ATP6V0A4: variants seen among roughly 807,000 people sequenced by gnomAD.
ATP6V0A4 encodes the protein ATPase H+ transporting V0 subunit a4.
In ATP6V0A4, 86 loss-of-function variants were observed where a neutral mutation model predicts 107.3. The ratio of observed to expected loss-of-function variants is 0.80; its 90% confidence interval spans 0.67 to 0.96. The LOEUF (loss-of-function observed/expected upper bound fraction) is 0.96, where lower values mean the gene tolerates loss of function less well. Ranked by LOEUF, ATP6V0A4 falls within the 40% of genes least tolerant of loss-of-function variation. The pLI, the probability that ATP6V0A4 is intolerant of heterozygous loss-of-function variation, is 0.00. For synonymous variants in ATP6V0A4, 353 were observed against 381.4 expected, an observed-to-expected ratio of 0.93 and a Z score of 0.87; for missense variants, 908 against 1,045.6, an observed-to-expected ratio of 0.87 and a Z score of 1.81.
chr7:138,749,448 G>A, intron 11 of ATP6V0A4, 131 bp from the exon 12 acceptor site: 1 of 952,462 alleles, frequency 1.0e-6, no homozygotes, highest in South Asian at 1.6e-5. Context: ...TGATCTCTCT[G>A]AGACTCACGA....
intron 19 of ATP6V0A4, among the ~76,000 whole-genome samples, chr7:138,717,956 A>G: frequency 8.3e-6 from 1 of 121,020 alleles, no homozygotes; most frequent in Non-Finnish European, 1.7e-5. Flanking sequence ...ACAAAACAAG[A>G]AACTGATGAG....
rs1019667618 is a variant in ATP6V0A4, at chr7:138,752,968, A to C, written c.817-131T>G. The C allele has an allele frequency of 3.3e-6, 5 of 1,519,656 alleles. No homozygotes were observed. The Admixed American group carries it at 9.9e-5, about 30-fold the overall frequency. 94.1% of individuals were successfully genotyped at this position (1,519,656 alleles called of 1,614,324 possible). ...CAGGCTCCTTTGACCTGTGGCTGTC[A>C]CCTGGCCTTGAACTCTCCTGAGCAG... On this transcript the variant is annotated intron_variant, in intron 10 of 21. Coordinates refer to ENST00000310018, the MANE Select transcript of ATP6V0A4 (RefSeq NM_020632.3).
At chr7:138,707,337 A>AT (rs1491481182) in intron 21 of ATP6V0A4, among the ~76,000 whole-genome samples, 45 of 86,766 alleles carry the variant, frequency 5.2e-4, no homozygotes, top group Admixed American at 2.2e-3. Flanking sequence ...TATATTTATA[A>AT]TATATATATT....
intron 19 of ATP6V0A4, among the ~76,000 whole-genome samples, chr7:138,720,670 C>G (rs1804382577): frequency 1.3e-4 from 1 of 7,520 alleles, no homozygotes; most frequent in Non-Finnish European, 2.3e-4. Context: ...CAGTCTTGCT[C>G]TGTCGCCCAG....
chr7:138,721,806 C>CCCT (rs1804435265), intron 19 of ATP6V0A4, 91 bp downstream of exon 19: 1 of 1,472,142 alleles, frequency 6.8e-7, no homozygotes, highest in African/African-American at 1.4e-5. Context: ...CCCCGTGGGG[C>CCCT]CCTCCAGACC....
intron 1 of ATP6V0A4, among the ~76,000 whole-genome samples, chr7:138,793,841 C>T (rs1470792596): frequency 6.6e-6 from 1 of 152,138 alleles, no homozygotes. Context: ...TTAACCTCCG[C>T]GTGTCTGGAC....
intron 5 of ATP6V0A4, among the ~76,000 whole-genome samples, chr7:138,763,431 C>G (rs142041274): frequency 0.011 from 1,597 of 152,092 alleles, 15 homozygotes; most frequent in Middle Eastern, 0.017. Flanking sequence ...CGTTCAAGAC[C>G]AGCCTGGTTA....
chr7:138,739,190 A>G (rs10250575), intron 15 of ATP6V0A4, among the ~76,000 whole-genome samples: 83,137 of 152,054 alleles, frequency 0.55, 23,563 homozygotes, highest in East Asian at 0.92. Context: ...AGAAAATACA[A>G]AGCAGGGAAC....
chr7:138,717,311 A>G (rs1804094319), intron 19 of ATP6V0A4, among the ~76,000 whole-genome samples: 1 of 151,972 alleles, frequency 6.6e-6, no homozygotes, highest in Non-Finnish European at 1.5e-5. Context: ...ACCTCGGGAG[A>G]CCAAGGCAGG....
At chr7:138,789,717 T>C (rs1808319080) in intron 1 of ATP6V0A4, among the ~76,000 whole-genome samples, 1 of 151,406 alleles carries the variant, frequency 6.6e-6, no homozygotes, top group Non-Finnish European at 1.5e-5. Flanking sequence ...ACGCCTGTAA[T>C]CCCAGCACTT....
intron 2 of ATP6V0A4, among the ~76,000 whole-genome samples, chr7:138,774,376 T>G (rs1807543210): frequency 6.6e-6 from 1 of 151,864 alleles, no homozygotes; most frequent in Non-Finnish European, 1.5e-5. Flanking sequence ...GTCAGGAGTT[T>G]GAGACTAGCC....
At chr7:138,724,025 C>CAA (rs202234657) in intron 18 of ATP6V0A4, among the ~76,000 whole-genome samples, 3 of 131,736 alleles carry the variant, frequency 2.3e-5, no homozygotes, top group Non-Finnish European at 3.2e-5. Context: ...TCCCATCTCT[C>CAA]AAAAAAAAAA....
chr7:138,769,209 C>T lies in ATP6V0A4; in HGVS notation c.160G>A (p.Glu54Lys). 1.2e-6 allele frequency: 2 copies of T among 1,612,306 alleles called. No homozygotes were observed. The highest frequency in any genetic ancestry group is 8.5e-7 in the Non-Finnish European group (1 of 1,179,846). ...TCCAGTGATTCACACCTTCTGACTT[C>T]ATTCACAAATTTCCTTTGAAAGCTG... ...VNSFQRKFVN[E>K]VRRCESLERI... The change falls in exon 4 of 22, where the codon GAA becomes AAA. Residue 54 changes from glutamate (E) to lysine (K), a missense_variant. Coordinates refer to ENST00000310018, the MANE Select transcript of ATP6V0A4 (RefSeq NM_020632.3).
At position 138,773,069 on chromosome 7, in the gene ATP6V0A4, C is replaced by T. The variant is rs1421326101; in HGVS notation, c.-17-1805G>A. On this transcript the variant is annotated intron_variant, in intron 2 of 21. Coordinates refer to ENST00000310018, the MANE Select transcript of ATP6V0A4 (RefSeq NM_020632.3). The surrounding 1 kb of genome is among the most constrained non-coding windows in gnomAD (Gnocchi z 5.4). The stretch of plus-strand genomic sequence containing the variant: ...CAGGTCAACCTTCTGGAAGAATTTC[C>T]ACACCTCCAGAGTAGATTTAATTTT... Among the ~76,000 whole-genome samples the T allele has an allele frequency of 6.6e-6, 1 of 152,166 alleles. No individual in the cohort carries two copies. The highest frequency in any genetic ancestry group is 1.5e-5 in the Non-Finnish European group (1 of 68,038).
At chr7:138,791,743 A>T (rs1305979634) in intron 1 of ATP6V0A4, among the ~76,000 whole-genome samples, 2 of 152,214 alleles carry the variant, frequency 1.3e-5, no homozygotes, top group Admixed American at 1.3e-4. Context: ...CCAAGAATGA[A>T]GGAAGAATAA....
At chr7:138,759,643 A>G in intron 8 of ATP6V0A4, 109 bp downstream of exon 8, 1 of 1,169,976 alleles carries the variant, frequency 8.5e-7, no homozygotes, top group Non-Finnish European at 1.3e-6. Context: ...AAGGAAATAG[A>G]TATTAGTCTC....
At chr7:138,760,460 A>AAAAAAG (rs1806752736) in intron 7 of ATP6V0A4, among the ~76,000 whole-genome samples, 3 of 145,010 alleles carry the variant, frequency 2.1e-5, no homozygotes, top group African/African-American at 5.2e-5. Flanking sequence ...AAAAAAAAAA[A>AAAAAAG]AAAAGAATAT....
At chr7:138,751,367 G>A (rs1806216187) in intron 11 of ATP6V0A4, among the ~76,000 whole-genome samples, 1 of 152,152 alleles carries the variant, frequency 6.6e-6, no homozygotes, top group Non-Finnish European at 1.5e-5. Context: ...CTGAAGACGA[G>A]TGACTAAAAA....
intron 20 of ATP6V0A4, among the ~76,000 whole-genome samples, chr7:138,713,315 G>A (rs1431614888): frequency 6.6e-6 from 1 of 150,874 alleles, no homozygotes; most frequent in East Asian, 2.0e-4. Flanking sequence ...GCTTATGGGT[G>A]TCTGTGCTGC....
Sources: gnomAD v4.1 joint callset for allele counts (sites outside exome capture counted in the v4.1 genomes callset) on GRCh38, gnomAD v4.1.1 for gene constraint, Gnocchi (gnomAD v3.1) non-coding constraint, MANE v1.5 for transcripts, NCBI Gene and HGNC (gene_info 2026-07-23, HGNC 2026-07-21) for gene names.